VTI1A: variants seen among roughly 807,000 people sequenced by gnomAD.
VTI1A encodes vesicle transport through interaction with t-SNAREs homolog 1A.
VTI1A carries 22 observed loss-of-function variants against 34.9 expected under a neutral mutation model. That is an observed-to-expected ratio of 0.63 (90% CI 0.45 to 0.90). VTI1A has a LOEUF of 0.90. Ranked by LOEUF, VTI1A falls within the 40% of genes least tolerant of loss-of-function variation. The pLI, the probability that VTI1A is intolerant of heterozygous loss-of-function variation, is 0.00. For synonymous variants in VTI1A, 87 were observed against 97.3 expected, an observed-to-expected ratio of 0.89 and a Z score of 0.62; for missense variants, 268 against 275.6, an observed-to-expected ratio of 0.97 and a Z score of 0.20.
At chr10:112,843,980 C>G in the VTI1A span, among the ~76,000 whole-genome samples, 1 of 152,034 alleles carries the variant, frequency 6.6e-6, no homozygotes, top group Non-Finnish European at 1.5e-5. Context: ...GACTGTGTGC[C>G]CAGGAGCCCT....
intron 3 of VTI1A, among the ~76,000 whole-genome samples, chr10:112,514,031 A>G (rs1849696678): frequency 6.6e-6 from 1 of 151,958 alleles, no homozygotes; most frequent in Admixed American, 6.6e-5. Flanking sequence ...CATAAAATAC[A>G]TTTGGAAATA....
At chr10:112,618,619 A>G (rs1845612739) in intron 5 of VTI1A, among the ~76,000 whole-genome samples, 1 of 149,252 alleles carries the variant, frequency 6.7e-6, no homozygotes, top group Non-Finnish European at 1.5e-5. Flanking sequence ...GGAAGGAGGA[A>G]GGGTTGTCAG....
chr10:112,710,525 T>C (rs1849376144), intron 7 of VTI1A, among the ~76,000 whole-genome samples: 1 of 152,182 alleles, frequency 6.6e-6, no homozygotes, highest in South Asian at 2.1e-4. Flanking sequence ...GTCTCTGAAT[T>C]GTATTCACTT....
At chr10:112,641,723 G>A (rs1349516751) in intron 5 of VTI1A, among the ~76,000 whole-genome samples, 2 of 152,156 alleles carry the variant, frequency 1.3e-5, no homozygotes, top group Non-Finnish European at 2.9e-5. Flanking sequence ...TTCAGTGAGA[G>A]CACGAGATTA....
At chr10:112,628,862 G>T (rs551862360) in intron 5 of VTI1A, among the ~76,000 whole-genome samples, 1 of 151,674 alleles carries the variant, frequency 6.6e-6, no homozygotes, top group African/African-American at 2.4e-5. Flanking sequence ...GTATATCCTC[G>T]CAGTGTTTTT....
intron 3 of VTI1A, among the ~76,000 whole-genome samples, chr10:112,485,613 C>T (rs1021667045): frequency 6.6e-6 from 1 of 152,092 alleles, no homozygotes; most frequent in Admixed American, 6.5e-5. Flanking sequence ...CTGACAGGTC[C>T]GGTTCATAAG....
intron 7 of VTI1A, among the ~76,000 whole-genome samples, chr10:112,790,893 T>C (rs996640663): frequency 8.6e-5 from 13 of 151,988 alleles, no homozygotes; most frequent in African/African-American, 2.9e-4. Flanking sequence ...TTGTAGAAAG[T>C]GTTTAGGATA....
chr10:112,702,625 C>T (rs764744566), intron 7 of VTI1A, among the ~76,000 whole-genome samples: 3 of 151,410 alleles, frequency 2.0e-5, no homozygotes, highest in African/African-American at 4.8e-5. Flanking sequence ...CTCACTCTGT[C>T]GCCCAGGCTG....
intron 5 of VTI1A, among the ~76,000 whole-genome samples, chr10:112,661,082 G>A (rs1490996690): frequency 1.3e-5 from 2 of 152,216 alleles, no homozygotes; most frequent in Admixed American, 1.3e-4. Flanking sequence ...CTGGGTTCAA[G>A]TGATTCTCCC....
chr10:112,813,279 C>T (rs1472233808), intron 7 of VTI1A, among the ~76,000 whole-genome samples: 1 of 152,210 alleles, frequency 6.6e-6, no homozygotes, highest in Non-Finnish European at 1.5e-5. Context: ...ACAAGTAACA[C>T]CCACAGTTAA....
intron 5 of VTI1A, among the ~76,000 whole-genome samples, chr10:112,652,494 A>G (rs367576068): frequency 1.3e-4 from 20 of 152,120 alleles, no homozygotes; most frequent in African/African-American, 4.6e-4. Context: ...GCCGAGGCAG[A>G]AAGGTTGCTT....
intron 5 of VTI1A, among the ~76,000 whole-genome samples, chr10:112,666,641 A>G (rs2133831815): frequency 6.6e-6 from 1 of 152,240 alleles, no homozygotes; most frequent in African/African-American, 2.4e-5. Flanking sequence ...TAGCTTCCAC[A>G]ACATTTTTAC....
chr10:112,743,631 T>TTGG (rs1266941315), intron 7 of VTI1A, among the ~76,000 whole-genome samples: 1 of 152,166 alleles, frequency 6.6e-6, no homozygotes. Context: ...CTCTCTGCCT[T>TTGG]TGGAAGGTTG....
At chr10:112,798,455 G>C (rs1275661478) in intron 7 of VTI1A, among the ~76,000 whole-genome samples, 3 of 152,174 alleles carry the variant, frequency 2.0e-5, no homozygotes, top group Non-Finnish European at 4.4e-5. Context: ...GGAGCTTGAA[G>C]GGAGTGTCCC....
At chr10:112,558,131 G>T (rs760015532) in intron 5 of VTI1A, among the ~76,000 whole-genome samples, 3 of 152,120 alleles carry the variant, frequency 2.0e-5, no homozygotes, top group African/African-American at 7.2e-5. Context: ...CACATTTAGT[G>T]AATGTCTAGT....
chr10:112,826,101 A>G, the VTI1A span: 179 of 152,320 alleles, frequency 1.2e-3, no homozygotes, highest in African/African-American at 4.0e-3. Flanking sequence ...CCTGAAAATT[A>G]TGTAGCCAGT....
At chr10:112,582,404 T>C (rs1239779719) in intron 5 of VTI1A, among the ~76,000 whole-genome samples, 1 of 152,076 alleles carries the variant, frequency 6.6e-6, no homozygotes, top group East Asian at 1.9e-4. Context: ...AAATATATGT[T>C]CTCCTCACAT....
intron 7 of VTI1A, among the ~76,000 whole-genome samples, chr10:112,735,501 A>G (rs1238761263): frequency 6.6e-6 from 1 of 152,268 alleles, no homozygotes; most frequent in African/African-American, 2.4e-5. Context: ...CTCTGAGCCT[A>G]CAAAGAGCTG....
the VTI1A span, among the ~76,000 whole-genome samples, chr10:112,838,038 A>G: frequency 6.6e-6 from 1 of 152,214 alleles, no homozygotes; most frequent in Non-Finnish European, 1.5e-5. Context: ...AGGATGCTGA[A>G]GTCATGGCAC....
Sources: gnomAD v4.1 joint callset for allele counts (sites outside exome capture counted in the v4.1 genomes callset) on GRCh38, gnomAD v4.1.1 for gene constraint, MANE v1.5 for transcripts, NCBI Gene and HGNC (gene_info 2026-07-23, HGNC 2026-07-21) for gene names.